EBF4: variants seen among roughly 807,000 people sequenced by gnomAD.
EBF4 encodes transcription factor COE4.
EBF4 carries 34 observed loss-of-function variants against 67.1 expected under a neutral mutation model. That is an observed-to-expected ratio of 0.51 (90% CI 0.39 to 0.67). EBF4 has a LOEUF of 0.67. Among genes scored for constraint, EBF4 ranks in the 30% least tolerant of loss-of-function variants. EBF4 has a pLI of 0.00. For synonymous variants in EBF4, 387 were observed against 377.7 expected (o/e 1.02, Z -0.29); for missense variants, 837 against 873.3 (o/e 0.96, Z 0.52).
intron 10 of EBF4, 31 bp downstream of exon 10, chr20:2,750,004 A>T: frequency 6.5e-7 from 1 of 1,531,098 alleles, no homozygotes; most frequent in South Asian, 1.2e-5. Flanking sequence ...GTGGAGGTCT[A>T]AGGTGCGCGG....
At chr20:2,726,612 T>G (rs2087749756) in intron 6 of EBF4, among the ~76,000 whole-genome samples, 1 of 152,116 alleles carries the variant, frequency 6.6e-6, no homozygotes, top group South Asian at 2.1e-4. Context: ...GCTGTTTCAA[T>G]TTTTGAAGAT....
At chr20:2,693,475 C>T (rs2087240995), upstream of EBF4, 4 of 754,924 alleles carry the variant, frequency 5.3e-6, no homozygotes, top group Admixed American at 1.3e-4. This position sits in a 1 kb window ranked among gnomAD's most constrained non-coding sequence, Gnocchi z 4.6. Flanking sequence ...CGCCCGCGGA[C>T]CCGCTTTCTC....
rs1422950656 is a variant in EBF4 at position 2,739,302 on chromosome 20, T to TGAGC, written c.558-9246_558-9243dup. Among the ~76,000 whole-genome samples the TGAGC allele has an allele frequency of 6.6e-6, 1 of 151,726 alleles. No individual in the cohort carries two copies. Among genetic ancestry groups the TGAGC allele is most frequent in the Non-Finnish European group, 1.5e-5 (1 of 67,954 alleles). ...GTCTTGTCAGGCACCACTGATCGAG[T>TGAGC]GAGCCGTCTGCCCCGTGGTGGAGCT... On this transcript the variant is annotated intron_variant, in intron 6 of 16. Coordinates refer to ENST00000609451, the Ensembl canonical transcript of EBF4. This position sits in a 1 kb window ranked among gnomAD's most constrained non-coding sequence, Gnocchi z 4.5.
Position 2,707,882 on chromosome 20 carries a change from G to A in EBF4, c.415-65G>A, listed in dbSNP as rs1381056264. 11 of 1,472,112 alleles carry A rather than the reference G, an allele frequency of 7.5e-6. No individual in the cohort carries two copies. The highest frequency in any genetic ancestry group is 1.0e-5 in the Non-Finnish European group (11 of 1,088,774). The allele number at this position is 1,472,112 out of a possible 1,614,324, so 91.2% of individuals were successfully genotyped here. ...GGCTTGGGAGATGCCAGGTCCGTCT[G>A]TGCTGCCACCTGCACCTCAGAGGAG... On this transcript the variant is annotated intron_variant, in intron 4 of 16. Coordinates refer to ENST00000609451, the Ensembl canonical transcript of EBF4. The surrounding 1 kb of genome is among the most constrained non-coding windows in gnomAD (Gnocchi z 4.6).
chr20:2,709,575 C>T, exon 6 of EBF4: 9 of 1,552,834 alleles, frequency 5.8e-6, no homozygotes, highest in Non-Finnish European at 7.8e-6. Context: ...TTCCTTCAGC[C>T]GGTGCTGTGA....
At chr20:2,746,564 C>T (rs1176044736) in intron 6 of EBF4, among the ~76,000 whole-genome samples, 1 of 152,162 alleles carries the variant, frequency 6.6e-6, no homozygotes, top group Non-Finnish European at 1.5e-5. Context: ...CTGGTGCTTA[C>T]TCCTCCCAGC....
intron 6 of EBF4, among the ~76,000 whole-genome samples, chr20:2,737,212 T>C (rs183874262): frequency 6.0e-4 from 86 of 142,620 alleles, no homozygotes; most frequent in Middle Eastern, 3.8e-3. Flanking sequence ...ATCGCGCCAC[T>C]GCACTCCAGC....
At chr20:2,697,528 G>A (rs1375462410) in intron 1 of EBF4, among the ~76,000 whole-genome samples, 1 of 147,250 alleles carries the variant, frequency 6.8e-6, no homozygotes, top group Admixed American at 6.8e-5. Flanking sequence ...CTGGGTGACA[G>A]AGCGAGACTC....
chr20:2,705,416 C>A (rs1372678976), intron 1 of EBF4, among the ~76,000 whole-genome samples, 161 bp from the exon 2 acceptor site: 2 of 152,176 alleles, frequency 1.3e-5, no homozygotes, highest in African/African-American at 4.8e-5. Context: ...AGCGAGATGG[C>A]CCTGGTCAGG....
At position 2,751,336 on chromosome 20, in the gene EBF4, A is replaced by G. The variant is rs920104533; in HGVS notation, c.1019-364A>G. Among the ~76,000 whole-genome samples the G allele has an allele frequency of 3.3e-5, 5 of 152,212 alleles. No homozygotes were observed. The highest frequency in any genetic ancestry group is 9.6e-5 in the African/African-American group (4 of 41,462). On this transcript the variant is annotated intron_variant, in intron 10 of 16. Transcript: ENST00000609451. This position sits in a 1 kb window ranked among gnomAD's most constrained non-coding sequence, Gnocchi z 5.2. The stretch of plus-strand genomic sequence containing the variant: ...TTTATAATAAACTCCTGATTTGACC[A>G]GATGAAAAGAGAAAACTCTCCATCG...
At chr20:2,701,958 C>T (rs1317185501) in intron 1 of EBF4, among the ~76,000 whole-genome samples, 7 of 152,170 alleles carry the variant, frequency 4.6e-5, no homozygotes, top group Non-Finnish European at 1.0e-4. Flanking sequence ...CCGCTGTGAT[C>T]GAAAGCCCTC....
At chr20:2,744,487 CTTTTCTTTTTT>C (rs1383808583) in intron 6 of EBF4, among the ~76,000 whole-genome samples, 1 of 111,494 alleles carries the variant, frequency 9.0e-6, no homozygotes, top group African/African-American at 3.9e-5. Context: ...TTCTTTTTTT[CTTTTCTTTTTT>C]TTTTTTTTTT....
chr20:2,730,594 T>A (rs1032009079), intron 6 of EBF4, among the ~76,000 whole-genome samples: 8 of 152,208 alleles, frequency 5.3e-5, no homozygotes, highest in Non-Finnish European at 1.2e-4. Context: ...TGACGTCCCC[T>A]ATACAAGTAA....
At chr20:2,733,570 C>G (rs555368681) in intron 6 of EBF4, among the ~76,000 whole-genome samples, 12 of 152,278 alleles carry the variant, frequency 7.9e-5, no homozygotes, top group Admixed American at 3.9e-4. Flanking sequence ...TGCTTGATGG[C>G]TCCCACAGGT....
At chr20:2,742,841 A>G (rs977366141) in intron 6 of EBF4, among the ~76,000 whole-genome samples, 7 of 152,116 alleles carry the variant, frequency 4.6e-5, no homozygotes, top group Admixed American at 4.6e-4. Context: ...TTCCATGCTG[A>G]CAAGCAGGGC....
At chr20:2,748,324 G>A (rs1426475411) in intron 6 of EBF4, among the ~76,000 whole-genome samples, 1 of 152,056 alleles carries the variant, frequency 6.6e-6, no homozygotes, top group East Asian at 1.9e-4. Context: ...ATCAGCACAC[G>A]GTGTGTATGG....
chr20:2,754,341 T>C (rs2088204321), intron 14 of EBF4, among the ~76,000 whole-genome samples: 1 of 152,140 alleles, frequency 6.6e-6, no homozygotes, highest in African/African-American at 2.4e-5. Flanking sequence ...CTCTTTGTTT[T>C]TCTGCTTCAG....
At position 2,693,903 on chromosome 20, in the gene EBF4, G is replaced by A; in HGVS notation, c.137+121G>A. 2 of 1,202,924 alleles carry A rather than the reference G, an allele frequency of 1.7e-6. No homozygotes were observed. The highest frequency in any genetic ancestry group is 2.1e-6 in the Non-Finnish European group (2 of 959,484). The allele number at this position is 1,202,924 out of a possible 1,614,324, so 74.5% of individuals were successfully genotyped here. A position where few individuals can be genotyped will look rare whatever the true frequency, so the allele number is the denominator to read the frequency against. On this transcript the variant is annotated intron_variant, in intron 1 of 16. Transcript: ENST00000609451. The surrounding 1 kb of genome is among the most constrained non-coding windows in gnomAD (Gnocchi z 4.6). Reference sequence around the variant, plus strand: ...AGCCCTAACTCTGGACGGTCCCGGCGAGCTCCCCGGCCCACCCCGTCCGGA... The same window carrying A: ...AGCCCTAACTCTGGACGGTCCCGGCAAGCTCCCCGGCCCACCCCGTCCGGA...
Position 2,701,656 on chromosome 20 carries a change from C to T in EBF4, c.138-3921C>T, listed in dbSNP as rs77118344. On this transcript the variant is annotated intron_variant, in intron 1 of 16. Coordinates refer to ENST00000609451, the Ensembl canonical transcript of EBF4. Reference sequence around the variant, plus strand: ...GCATGTCCAGTGGTCTGGGAGATTCCGTTATTTCTCAGCACCCACCACTCC... The same window carrying T: ...GCATGTCCAGTGGTCTGGGAGATTCTGTTATTTCTCAGCACCCACCACTCC... Among the ~76,000 whole-genome samples, 464 of 152,324 alleles carry T rather than the reference C, an allele frequency of 3.0e-3. 10 individuals are homozygous for T. The East Asian group carries it at 0.07, about 23-fold the overall frequency.
Sources: gnomAD v4.1 joint callset for allele counts (sites outside exome capture counted in the v4.1 genomes callset) on GRCh38, gnomAD v4.1.1 for gene constraint, Gnocchi (gnomAD v3.1) non-coding constraint, MANE v1.5 for transcripts, NCBI Gene and HGNC (gene_info 2026-07-23, HGNC 2026-07-21) for gene names.